Variants in EXOC5 observed in about 807,000 individuals in gnomAD.
The protein encoded by EXOC5 is SEC10-like 1.
A neutral mutation model predicts 90.8 loss-of-function variants in EXOC5; 17 were observed. The observed-to-expected ratio is 0.19, with a 90% CI of 0.13 to 0.28. The LOEUF (loss-of-function observed/expected upper bound fraction) is 0.28, where lower values mean the gene tolerates loss of function less well. Among genes scored for constraint, EXOC5 ranks in the 10% least tolerant of loss-of-function variants. EXOC5 has a pLI of 1.00. For missense variants in EXOC5, 569 were observed against 830.6 expected (o/e 0.69, Z 3.87); for synonymous variants, 260 against 270.0 (o/e 0.96, Z 0.36).
intron 1 of EXOC5, chr14:57,268,411 G>C: frequency 7.2e-7 from 1 of 1,389,144 alleles, no homozygotes; most frequent in Non-Finnish European, 9.5e-7. Flanking sequence ...TCTGCCGACC[G>C]GCCGCCCAGC....
At chr14:57,238,373 TATACACAC>T (rs1312084288) in intron 5 of EXOC5, among the ~76,000 whole-genome samples, 1 of 79,914 alleles carries the variant, frequency 1.3e-5, no homozygotes, top group Non-Finnish European at 3.0e-5. Context: ...TATATATATA[TATACACAC>T]ACACACACAC....
intron 5 of EXOC5, among the ~76,000 whole-genome samples, chr14:57,238,377 C>T (rs201456529): frequency 0.034 from 2,559 of 74,630 alleles, 20 homozygotes; most frequent in East Asian, 0.086. Flanking sequence ...TATATATATA[C>T]ACACACACAC....
Position 57,206,088 on chromosome 14 carries a change from G to A in EXOC5, c.*2521C>T, listed in dbSNP as rs1305146142. Reference sequence around the variant, plus strand: ...ATTTTAGAAAAACAATGCACAGTGTGTTAAGAGCATATTTTCAACTTCATT... The same window carrying A: ...ATTTTAGAAAAACAATGCACAGTGTATTAAGAGCATATTTTCAACTTCATT... On this transcript the variant is annotated 3_prime_UTR_variant, in exon 18 of 18. Coordinates refer to ENST00000621441, the MANE Select transcript of EXOC5 (RefSeq NM_006544.4). The A allele has an allele frequency of 7.1e-6, 3 of 422,552 alleles. No homozygotes were observed. The highest frequency in any genetic ancestry group is 3.4e-5 in the South Asian group (2 of 59,304). The allele number at this position is 422,552 out of a possible 1,614,324, so 26.2% of individuals were successfully genotyped here. A position where few individuals can be genotyped will look rare whatever the true frequency, so the allele number is the denominator to read the frequency against.
chr14:57,252,450 A>C (rs1368510010), intron 1 of EXOC5, among the ~76,000 whole-genome samples: 1 of 152,198 alleles, frequency 6.6e-6, no homozygotes, highest in Admixed American at 6.5e-5. Flanking sequence ...GGAAGAAAAC[A>C]ACCTGGATTT....
Position 57,268,852 on chromosome 14 carries a change from G to C in EXOC5, c.-204C>G, listed in dbSNP as rs915915687. 9.2e-5 allele frequency: 116 copies of C among 1,265,616 alleles called. No individual in the cohort carries two copies. Among genetic ancestry groups the C allele is most frequent in the Non-Finnish European group, 9.8e-5 (95 of 970,898 alleles). The allele number at this position is 1,265,616 out of a possible 1,614,324, so 78.4% of individuals were successfully genotyped here. A position where few individuals can be genotyped will look rare whatever the true frequency, so the allele number is the denominator to read the frequency against. On this transcript the variant is annotated 5_prime_UTR_variant, in exon 1 of 18. Transcript: ENST00000621441. ...CGCAAACGCTTGTCAGCTGCCTCCC[G>C]GCGCCGCCCGCGCTGCTCCCATTGT...
At chr14:57,261,654 G>A (rs547452018) in intron 1 of EXOC5, among the ~76,000 whole-genome samples, 1 of 152,314 alleles carries the variant, frequency 6.6e-6, no homozygotes, top group Admixed American at 6.5e-5. Context: ...AATCTGATTG[G>A]AGGAGGGCTC....
chr14:57,247,366 C>T (rs976083596), intron 2 of EXOC5, among the ~76,000 whole-genome samples: 1 of 152,044 alleles, frequency 6.6e-6, no homozygotes, highest in Non-Finnish European at 1.5e-5. Flanking sequence ...TAGTTTATGA[C>T]TCATTAGAAG....
intron 1 of EXOC5, among the ~76,000 whole-genome samples, chr14:57,258,739 G>C (rs1265257574): frequency 2.6e-5 from 4 of 152,092 alleles, no homozygotes; most frequent in Non-Finnish European, 4.4e-5. Context: ...TCAATCCCTT[G>C]GACAGGAACA....
intron 1 of EXOC5, among the ~76,000 whole-genome samples, chr14:57,258,910 G>A (rs1359851955): frequency 6.6e-6 from 1 of 152,108 alleles, no homozygotes; most frequent in African/African-American, 2.4e-5. Context: ...AAAAAATAAA[G>A]TAAGTCTCAG....
chr14:57,208,736 G>T lies in EXOC5; in HGVS notation c.2000C>A (p.Ala667Asp). Residue 667 changes from alanine (A) to aspartate (D), a missense_variant, in exon 18 of 18, where the codon GCC becomes GAC. Around this residue, in one of 9 missense-constraint regions of EXOC5, gnomAD observed 122 missense variants for 180.0 expected, o/e 0.68. Transcript: ENST00000621441. ...GCAGACTTGCTTTAAATTATCTGGG[G>T]CAACTACCAGAAGATTGCAAAGAGC... ...LHALCNLLVV[A>D]PDNLKQVCSG... 1.2e-6 allele frequency: 2 copies of T among 1,610,328 alleles called. No individual in the cohort carries two copies. The highest frequency in any genetic ancestry group is 8.5e-7 in the Non-Finnish European group (1 of 1,176,954).
intron 12 of EXOC5, among the ~76,000 whole-genome samples, chr14:57,223,350 T>C (rs1283314917): frequency 6.6e-6 from 1 of 152,112 alleles, no homozygotes; most frequent in Non-Finnish European, 1.5e-5. Flanking sequence ...TCAAACCTAT[T>C]TGTAGTCTTA....
chr14:57,235,537 A>G (rs1250937195), intron 7 of EXOC5, among the ~76,000 whole-genome samples, 174 bp downstream of exon 7: 2 of 152,100 alleles, frequency 1.3e-5, no homozygotes, highest in African/African-American at 4.8e-5. Context: ...AATATTAAAT[A>G]TATAACATTC....
At chr14:57,224,221 T>A (rs903601502) in intron 12 of EXOC5, among the ~76,000 whole-genome samples, 3 of 151,440 alleles carry the variant, frequency 2.0e-5, no homozygotes, top group Non-Finnish European at 4.4e-5. Context: ...ATAACAGAAG[T>A]AATAAAGAGT....
chr14:57,256,933 T>C (rs751581441), intron 1 of EXOC5, among the ~76,000 whole-genome samples: 2 of 152,194 alleles, frequency 1.3e-5, no homozygotes, highest in Non-Finnish European at 2.9e-5. Context: ...CTTGTATCCT[T>C]GCTCTGCCCC....
chr14:57,222,329 C>T lies in EXOC5; in HGVS notation c.1384G>A (p.Ala462Thr), dbSNP rs1272946386. Residue 462 changes from alanine (A) to threonine (T), a missense_variant, in exon 13 of 18, where the codon GCT becomes ACT. Around this residue, in one of 9 missense-constraint regions of EXOC5, gnomAD observed 56 missense variants for 51.1 expected, o/e 1.10. Transcript: ENST00000621441. ...TTACCAGCAAGTCCTGTTTCCAAAGCATAATCAATATGCTCAATACATAAA... is the reference window on the plus strand; with the variant it reads ...TTACCAGCAAGTCCTGTTTCCAAAGTATAATCAATATGCTCAATACATAAA... ...EFLCIEHIDY[A>T]LETGLAGIPS... is the part of the protein sequence containing the mutation. The T allele has an allele frequency of 6.4e-7, 1 of 1,563,902 alleles. No homozygotes were observed. The highest frequency in any genetic ancestry group is 2.3e-5 in the East Asian group (1 of 44,092).
At chr14:57,265,983 TAC>T (rs1250478080) in intron 1 of EXOC5, among the ~76,000 whole-genome samples, 1 of 152,240 alleles carries the variant, frequency 6.6e-6, no homozygotes, top group Non-Finnish European at 1.5e-5. Context: ...GGAAATATAT[TAC>T]AGTTTGATTT....
intron 4 of EXOC5, among the ~76,000 whole-genome samples, chr14:57,240,871 G>A (rs1042466827): frequency 1.3e-5 from 2 of 151,228 alleles, no homozygotes; most frequent in African/African-American, 2.4e-5. Flanking sequence ...TCTTTTTTTT[G>A]AGACAGAGTC....
intron 12 of EXOC5, among the ~76,000 whole-genome samples, chr14:57,228,698 C>T (rs1373116067): frequency 1.3e-5 from 2 of 150,274 alleles, no homozygotes; most frequent in African/African-American, 4.9e-5. Flanking sequence ...CACAGTGGGG[C>T]CTGTTGGGGG....
At chr14:57,243,998 C>T (rs560151205) in intron 4 of EXOC5, 167 bp downstream of exon 4, 316 of 547,970 alleles carry the variant, frequency 5.8e-4, no homozygotes, top group African/African-American at 5.2e-3. Context: ...ACTTCATCAG[C>T]AATCTACAAG....
Sources: allele counts gnomAD v4.1 joint callset (sites outside exome capture counted in the v4.1 genomes callset), GRCh38; gene constraint gnomAD v4.1.1; regional missense constraint gnomAD v4.1.1; transcripts MANE v1.5; gene names NCBI Gene and HGNC (gene_info 2026-07-23, HGNC 2026-07-21).